The following LRRC8D variants were observed in gnomAD, a reference collection of about 807,000 sequenced individuals.
LRRC8D encodes the protein leucine rich repeat containing 8 VRAC subunit D.
LRRC8D carries 20 observed loss-of-function variants against 55.8 expected under a neutral mutation model. The ratio of observed to expected loss-of-function variants is 0.36; its 90% confidence interval spans 0.25 to 0.52. The LOEUF (loss-of-function observed/expected upper bound fraction) is 0.52. LRRC8D is among the 20% of genes least tolerant of loss of function. The pLI is 0.93. For missense variants in LRRC8D, 651 were observed against 1,030.8 expected, an observed-to-expected ratio of 0.63 and a Z score of 5.05; for synonymous variants, 352 against 377.0, an observed-to-expected ratio of 0.93 and a Z score of 0.77.
chr1:89,930,595 T>C (rs754061864), intron 2 of LRRC8D, among the ~76,000 whole-genome samples: 11 of 152,066 alleles, frequency 7.2e-5, no homozygotes, highest in Non-Finnish European at 1.2e-4. Flanking sequence ...TTGAAAGAAC[T>C]ATTACATGCA....
intron 1 of LRRC8D, among the ~76,000 whole-genome samples, chr1:89,837,078 T>C (rs1394107368): frequency 6.6e-6 from 1 of 152,212 alleles, no homozygotes; most frequent in Non-Finnish European, 1.5e-5. Flanking sequence ...TATCAACTGC[T>C]TTACCAAGAT....
intron 1 of LRRC8D, among the ~76,000 whole-genome samples, chr1:89,841,204 C>T (rs1462994475): frequency 2.0e-5 from 3 of 152,088 alleles, no homozygotes; most frequent in African/African-American, 4.8e-5. Flanking sequence ...AGTAAGAAGC[C>T]CTCCTTAGAC....
chr1:89,914,759 G>A (rs990068958), intron 2 of LRRC8D, among the ~76,000 whole-genome samples: 1 of 147,840 alleles, frequency 6.8e-6, no homozygotes, highest in African/African-American at 2.5e-5. Flanking sequence ...TTTACATATA[G>A]TGAAGATGGG....
intron 1 of LRRC8D, chr1:89,843,230 G>C (rs1265237223): frequency 1.3e-5 from 2 of 158,284 alleles, no homozygotes; most frequent in East Asian, 1.8e-4. Flanking sequence ...ATTATTTTCT[G>C]GGGGGTAGGG....
chr1:89,877,389 T>G (rs544326339), intron 2 of LRRC8D, among the ~76,000 whole-genome samples: 1 of 152,358 alleles, frequency 6.6e-6, no homozygotes, highest in South Asian at 2.1e-4. Flanking sequence ...TTTAAAATTT[T>G]TATGAGCTTT....
chr1:89,871,679 A>T (rs1662010414), intron 2 of LRRC8D, among the ~76,000 whole-genome samples: 1 of 152,270 alleles, frequency 6.6e-6, no homozygotes, highest in Non-Finnish European at 1.5e-5. Context: ...TCAAAAGTTA[A>T]TGATAAATGT....
At chr1:89,830,243 G>T (rs1660855811) in intron 1 of LRRC8D, among the ~76,000 whole-genome samples, 1 of 151,932 alleles carries the variant, frequency 6.6e-6, no homozygotes, top group African/African-American at 2.4e-5. Context: ...TTTAACTATT[G>T]AATTATTTAT....
chr1:89,907,265 C>T (rs1440361484), intron 2 of LRRC8D, among the ~76,000 whole-genome samples: 1 of 141,434 alleles, frequency 7.1e-6, no homozygotes, highest in Non-Finnish European at 1.5e-5. Context: ...GATCTTGGCT[C>T]ACTGCAACCT....
chr1:89,845,459 C>T (rs1286980608), intron 2 of LRRC8D, among the ~76,000 whole-genome samples: 2 of 152,260 alleles, frequency 1.3e-5, no homozygotes, highest in Middle Eastern at 3.4e-3. Context: ...TATTTTGAGA[C>T]GGTTTTTCAT....
intron 1 of LRRC8D, among the ~76,000 whole-genome samples, chr1:89,832,647 T>C (rs1224655837): frequency 1.3e-5 from 2 of 152,318 alleles, no homozygotes; most frequent in East Asian, 3.9e-4. Flanking sequence ...AGAAAAATTC[T>C]TCAAATTCCA....
At chr1:89,919,906 TG>T (rs1487663718) in intron 2 of LRRC8D, among the ~76,000 whole-genome samples, 1 of 152,164 alleles carries the variant, frequency 6.6e-6, no homozygotes, top group African/African-American at 2.4e-5. Flanking sequence ...GTACACTAAG[TG>T]GGGTCTATAG....
At chr1:89,842,214 G>GAAAAA (rs55785953) in intron 1 of LRRC8D, among the ~76,000 whole-genome samples, 1 of 130,540 alleles carries the variant, frequency 7.7e-6, no homozygotes, top group Non-Finnish European at 1.6e-5. Context: ...CTCTGTCTCA[G>GAAAAA]AAAAAAAAAA....
chr1:89,844,075 TC>T (rs1661213432), intron 2 of LRRC8D, among the ~76,000 whole-genome samples: 1 of 152,174 alleles, frequency 6.6e-6, no homozygotes, highest in Admixed American at 6.5e-5. Flanking sequence ...CGGGGAGTCT[TC>T]CTGGAGTCCC....
intron 2 of LRRC8D, among the ~76,000 whole-genome samples, chr1:89,878,821 G>A (rs897652067): frequency 1.3e-5 from 2 of 152,028 alleles, no homozygotes; most frequent in Non-Finnish European, 2.9e-5. Flanking sequence ...CAAAAATTTA[G>A]CCAGGCATGG....
chr1:89,870,191 G>A (rs982760870), intron 2 of LRRC8D, among the ~76,000 whole-genome samples: 11 of 150,994 alleles, frequency 7.3e-5, no homozygotes, highest in Admixed American at 2.0e-4. Context: ...AAAACTGATA[G>A]AGATGCCAGG....
At chr1:89,830,987 C>T (rs1298560867) in intron 1 of LRRC8D, among the ~76,000 whole-genome samples, 6 of 149,640 alleles carry the variant, frequency 4.0e-5, no homozygotes, top group Non-Finnish European at 7.4e-5. Flanking sequence ...CTCACTGCAA[C>T]CTCCGCCTCC....
intron 1 of LRRC8D, among the ~76,000 whole-genome samples, chr1:89,832,393 T>C (rs1176136980): frequency 6.6e-6 from 1 of 152,244 alleles, no homozygotes; most frequent in Non-Finnish European, 1.5e-5. Context: ...TTTCATCATC[T>C]GCAGGTTTTA....
chr1:89,823,926 A>G (rs116639833), intron 1 of LRRC8D, among the ~76,000 whole-genome samples: 2 of 152,180 alleles, frequency 1.3e-5, no homozygotes, highest in African/African-American at 4.8e-5. Context: ...CGACTAATAA[A>G]GGAGGGTAGA....
chr1:89,909,836 A>G (rs977603586), intron 2 of LRRC8D, among the ~76,000 whole-genome samples: 1 of 150,546 alleles, frequency 6.6e-6, no homozygotes, highest in African/African-American at 2.4e-5. Context: ...ACTGCACTTC[A>G]GTCTGGGCAA....
Sources: gnomAD v4.1 joint callset for allele counts (sites outside exome capture counted in the v4.1 genomes callset) on GRCh38, gnomAD v4.1.1 for gene constraint, MANE v1.5 for transcripts, NCBI Gene and HGNC (gene_info 2026-07-23, HGNC 2026-07-21) for gene names.